TEK: variants seen among roughly 807,000 people sequenced by gnomAD.
TEK encodes angiopoietin-1 receptor.
TEK carries 43 observed loss-of-function variants against 131.8 expected under a neutral mutation model. The observed-to-expected ratio is 0.33, with a 90% confidence interval of 0.26 to 0.42. The LOEUF (loss-of-function observed/expected upper bound fraction) is 0.42, where lower values mean the gene tolerates loss of function less well. TEK is among the 10% of genes least tolerant of loss of function. The pLI, the probability that TEK is intolerant of heterozygous loss-of-function variation, is 1.00. For missense variants in TEK, 1,162 were observed against 1,384.4 expected, an observed-to-expected ratio of 0.84 and a Z score of 2.55; for synonymous variants, 580 against 491.6, an observed-to-expected ratio of 1.18 and a Z score of -2.38.
intron 19 of TEK, among the ~76,000 whole-genome samples, chr9:27,218,166 G>T (rs1406755451): frequency 6.6e-6 from 1 of 150,580 alleles, no homozygotes; most frequent in Non-Finnish European, 1.5e-5. Context: ...CTGCAGTGAT[G>T]CATCAGAGGC....
At chr9:27,191,588 A>G (rs1224876379) in intron 10 of TEK, among the ~76,000 whole-genome samples, 1 of 118,840 alleles carries the variant, frequency 8.4e-6, no homozygotes, top group African/African-American at 3.5e-5. Flanking sequence ...TAAGAAAACT[A>G]TGGAAAAAAA....
At chr9:27,134,558 A>G (rs1286208198) in intron 1 of TEK, among the ~76,000 whole-genome samples, 1 of 152,198 alleles carries the variant, frequency 6.6e-6, no homozygotes, top group African/African-American at 2.4e-5. Flanking sequence ...AGTATCAAAA[A>G]TATGATTTGA....
At chr9:27,190,063 G>A (rs1824754548) in intron 9 of TEK, among the ~76,000 whole-genome samples, 1 of 152,162 alleles carries the variant, frequency 6.6e-6, no homozygotes, top group African/African-American at 2.4e-5. Context: ...AGAATTAACT[G>A]GGAGAATAAT....
intron 21 of TEK, among the ~76,000 whole-genome samples, chr9:27,227,037 C>T (rs7027814): frequency 0.47 from 71,946 of 151,976 alleles, 17,216 homozygotes; most frequent in Admixed American, 0.57. Context: ...CCTAAAATTC[C>T]ACCTTTTGAG....
At chr9:27,130,128 C>G (rs1011810049) in intron 1 of TEK, among the ~76,000 whole-genome samples, 2 of 152,084 alleles carry the variant, frequency 1.3e-5, no homozygotes, top group Non-Finnish European at 2.9e-5. Flanking sequence ...AAAGTAATGT[C>G]TTGAGAATAG....
intron 16 of TEK, 70 bp downstream of exon 16, chr9:27,209,301 GGAAA>G: frequency 9.0e-7 from 1 of 1,110,334 alleles, no homozygotes; most frequent in Non-Finnish European, 1.4e-6. Flanking sequence ...ATGGATATAA[GGAAA>G]GATAATGATC....
chr9:27,160,030 T>G (rs1823488406), intron 2 of TEK, among the ~76,000 whole-genome samples: 1 of 146,298 alleles, frequency 6.8e-6, no homozygotes, highest in Non-Finnish European at 1.5e-5. Flanking sequence ...TTTTTTTTTT[T>G]TTTTTTTTTT....
At chr9:27,119,106 T>A (rs1413337453) in intron 1 of TEK, among the ~76,000 whole-genome samples, 2 of 152,170 alleles carry the variant, frequency 1.3e-5, no homozygotes, top group Non-Finnish European at 2.9e-5. Flanking sequence ...TTAGCTTCTA[T>A]CCCTTGGAAG....
intron 11 of TEK, 71 bp downstream of exon 11, chr9:27,192,694 G>C: frequency 6.9e-6 from 4 of 576,824 alleles, no homozygotes; most frequent in Non-Finnish European, 1.2e-5. Context: ...GAGGAAGGAA[G>C]ACCAGGAAGG....
At chr9:27,192,239 C>G (rs1486336846) in intron 10 of TEK, among the ~76,000 whole-genome samples, 1 of 152,064 alleles carries the variant, frequency 6.6e-6, no homozygotes, top group Non-Finnish European at 1.5e-5. Flanking sequence ...ACAAAAGCAC[C>G]AGAGCAGAAA....
At chr9:27,139,511 G>A (rs1017040869) in intron 1 of TEK, among the ~76,000 whole-genome samples, 5 of 151,438 alleles carry the variant, frequency 3.3e-5, no homozygotes, top group Non-Finnish European at 7.4e-5. Context: ...TTTTAGTTGA[G>A]ACGGGGTTTC....
intron 7 of TEK, among the ~76,000 whole-genome samples, chr9:27,181,795 T>C (rs998693809): frequency 6.6e-6 from 1 of 152,334 alleles, no homozygotes; most frequent in South Asian, 2.1e-4. Context: ...AGCAGACATA[T>C]GTATTTTCAA....
At chr9:27,229,137 G>C (rs145514408) in intron 22 of TEK, 21 bp from the exon 23 acceptor site, 33 of 1,612,806 alleles carry the variant, frequency 2.0e-5, no homozygotes, top group Non-Finnish European at 2.8e-5. Context: ...CTATGTCTCT[G>C]AACCATTTTC....
In TEK at chr9:27,170,453, C is replaced by T. The variant is rs1823911138; in HGVS notation, c.628+824C>T. Among the ~76,000 whole-genome samples, 5 of 152,118 alleles carry T rather than the reference C, an allele frequency of 3.3e-5. No individual in the cohort carries two copies. The South Asian group carries it at 8.3e-4, about 25-fold the overall frequency. On this transcript the variant is annotated intron_variant, in intron 4 of 22. Transcript: ENST00000380036. ...CAGCCTGGGCAACATGGCAAAACCC[C>T]GTCTCTACAAAAAATACAAAAATTA... is the stretch of plus-strand genomic sequence containing the variant.
At chr9:27,203,182 T>C in intron 13 of TEK, 63 bp downstream of exon 13, 1 of 1,571,346 alleles carries the variant, frequency 6.4e-7, no homozygotes, top group Non-Finnish European at 8.8e-7. Context: ...AGCTGGTTTA[T>C]CAGGACAGGC....
chr9:27,113,489 TAGAC>T (rs1320552212), intron 1 of TEK, among the ~76,000 whole-genome samples: 7 of 152,004 alleles, frequency 4.6e-5, no homozygotes, highest in African/African-American at 1.7e-4. Flanking sequence ...TCGGGAGGCT[TAGAC>T]AGGAGGATCG....
At chr9:27,197,661 T>C in intron 12 of TEK, 62 bp downstream of exon 12, 7 of 1,599,606 alleles carry the variant, frequency 4.4e-6, no homozygotes, top group Non-Finnish European at 6.0e-6. Flanking sequence ...CATGCAGACT[T>C]AGCTAACATC....
intron 6 of TEK, among the ~76,000 whole-genome samples, chr9:27,174,050 C>G (rs190329983): frequency 3.9e-4 from 59 of 152,260 alleles, no homozygotes; most frequent in African/African-American, 1.3e-3. Flanking sequence ...CTAACATCAT[C>G]TACTCAGAGT....
At chr9:27,187,151 G>A (rs1454642703) in intron 9 of TEK, among the ~76,000 whole-genome samples, 3 of 152,102 alleles carry the variant, frequency 2.0e-5, no homozygotes, top group African/African-American at 7.2e-5. Flanking sequence ...AGAGTCACTG[G>A]GTCTAGTTTT....
Sources: allele counts gnomAD v4.1 joint callset (sites outside exome capture counted in the v4.1 genomes callset), GRCh38; gene constraint gnomAD v4.1.1; transcripts MANE v1.5; gene names NCBI Gene and HGNC (gene_info 2026-07-23, HGNC 2026-07-21).